KIF13B: variants seen among roughly 807,000 people sequenced by gnomAD.
KIF13B encodes the protein kinesin-like protein KIF13B.
In KIF13B, 127 loss-of-function variants were observed where a neutral mutation model predicts 222.0. The observed-to-expected ratio is 0.57, with a 90% CI of 0.50 to 0.66. KIF13B has a LOEUF of 0.66. KIF13B is among the 30% of genes least tolerant of loss of function. KIF13B has a pLI of 0.00. For missense variants in KIF13B, 2,173 were observed against 2,379.0 expected (o/e 0.91, Z 1.80); for synonymous variants, 976 against 919.0 (o/e 1.06, Z -1.12).
intron 36 of KIF13B, among the ~76,000 whole-genome samples, chr8:29,096,388 C>T (rs1249329401): frequency 6.7e-6 from 1 of 149,566 alleles, no homozygotes. Flanking sequence ...CAGCCTCAAC[C>T]TCCCAGGTTC....
At chr8:29,224,586 T>C (rs1480084388) in intron 2 of KIF13B, among the ~76,000 whole-genome samples, 1 of 152,172 alleles carries the variant, frequency 6.6e-6, no homozygotes, top group African/African-American at 2.4e-5. Flanking sequence ...TGTTAATAAT[T>C]GAAGGAATCG....
chr8:29,075,221 G>A (rs972021732), intron 38 of KIF13B, 60 bp downstream of exon 38: 13 of 1,394,142 alleles, frequency 9.3e-6, no homozygotes, highest in Admixed American at 5.9e-5. Flanking sequence ...CAACAGTTTC[G>A]GCATCAGGGC....
chr8:29,134,453 G>A (rs1810475053), intron 21 of KIF13B, among the ~76,000 whole-genome samples: 1 of 152,190 alleles, frequency 6.6e-6, no homozygotes, highest in African/African-American at 2.4e-5. Context: ...ACGTTGTAAA[G>A]TCTAAGAACA....
In KIF13B at chr8:29,071,715, G is replaced by A. The variant is rs375844229; in HGVS notation, c.5123C>T (p.Thr1708Ile). 6.8e-5 allele frequency: 105 copies of A among 1,550,448 alleles called. 1 individual carries two copies. The East Asian group carries it at 1.4e-3, about 21-fold the overall frequency. Residue 1708 changes from threonine (T) to isoleucine (I), a missense_variant, in exon 39 of 40, where the codon ACC (threonine) becomes ATC (isoleucine). Physicochemically the swap from Thr to Ile is moderately conservative, Grantham distance 89. Transcript: ENST00000524189. This position sits in a 1 kb window ranked among gnomAD's most constrained non-coding sequence, Gnocchi z 4.9. ...PEWLREGEFV[T>I]VGAHKTGVVR... ...CACGCCCGTTTTGTGGGCGCCCACGGTGACGAACTCGCCCTCTCGGAGCCA... is the reference window on the plus strand; with the variant it reads ...CACGCCCGTTTTGTGGGCGCCCACGATGACGAACTCGCCCTCTCGGAGCCA...
chr8:29,257,705 C>A (rs2117178912), intron 1 of KIF13B, among the ~76,000 whole-genome samples: 1 of 152,202 alleles, frequency 6.6e-6, no homozygotes, highest in Non-Finnish European at 1.5e-5. Flanking sequence ...CCACAGCAGG[C>A]TGCAGCAGGA....
chr8:29,074,159 G>A (rs1807447500), intron 38 of KIF13B, among the ~76,000 whole-genome samples: 1 of 152,196 alleles, frequency 6.6e-6, no homozygotes, highest in African/African-American at 2.4e-5. Context: ...CTCCCAGGAT[G>A]AGGCCAGCTG....
intron 22 of KIF13B, 58 bp downstream of exon 22, chr8:29,133,982 C>T: frequency 6.7e-7 from 1 of 1,491,736 alleles, no homozygotes; most frequent in Non-Finnish European, 9.1e-7. Context: ...GGTTCATTTT[C>T]TGTTTTGTTT....
chr8:29,145,546 G>A (rs1053737439), intron 18 of KIF13B, among the ~76,000 whole-genome samples: 10 of 152,052 alleles, frequency 6.6e-5, no homozygotes, highest in African/African-American at 2.4e-4. Context: ...CAGGAGAATC[G>A]CTTGAACCCA....
At chr8:29,084,050 G>A (rs1807930659) in intron 37 of KIF13B, among the ~76,000 whole-genome samples, 1 of 152,058 alleles carries the variant, frequency 6.6e-6, no homozygotes, top group African/African-American at 2.4e-5. Context: ...CAGTGGCTGG[G>A]ATTACAGGCG....
Position 29,237,051 on chromosome 8 carries a change from C to T in KIF13B, c.149+8295G>A, listed in dbSNP as rs529489614. On this transcript the variant is annotated intron_variant, in intron 2 of 39. Transcript: ENST00000524189. ...TGATACTTGGCACACTGTTGATGTT[C>T]GAATATTGAATGCATCAGAAAAAAT... Among the ~76,000 whole-genome samples the T allele has an allele frequency of 4.6e-5, 7 of 152,018 alleles. No homozygotes were observed. The South Asian group carries it at 8.3e-4, about 18-fold the overall frequency.
At chr8:29,078,104 G>A (rs1586745755) in intron 37 of KIF13B, among the ~76,000 whole-genome samples, 1 of 122,970 alleles carries the variant, frequency 8.1e-6, no homozygotes, top group African/African-American at 3.3e-5. Context: ...CCAACATGGT[G>A]AAACCGTGTC....
chr8:29,194,979 C>A (rs1371502151), intron 3 of KIF13B, among the ~76,000 whole-genome samples: 1 of 152,008 alleles, frequency 6.6e-6, no homozygotes, highest in Admixed American at 6.6e-5. Flanking sequence ...TGGGCACGGT[C>A]GCTCACGCCT....
chr8:29,071,730 T>G lies in KIF13B; in HGVS notation c.5108A>C (p.Glu1703Ala). The G allele has an allele frequency of 1.3e-6, 2 of 1,549,912 alleles. No individual in the cohort carries two copies. The highest frequency in any genetic ancestry group is 2.4e-5 in the South Asian group (2 of 84,056). The change falls in exon 39 of 40, where the codon GAG (glutamate) becomes GCG (alanine). Residue 1703 changes from glutamate to alanine, a missense_variant. Glu to Ala is a moderately radical substitution (Grantham distance 107). Transcript: ENST00000524189. This position sits in a 1 kb window ranked among gnomAD's most constrained non-coding sequence, Gnocchi z 4.9. ...GGCGCCCACGGTGACGAACTCGCCC[T>G]CTCGGAGCCACTCCGGGACCTCGTC... is the stretch of plus-strand genomic sequence containing the variant. ...EADEVPEWLREGEFVTVGAHK... is the reference protein window; with the variant it reads ...EADEVPEWLRAGEFVTVGAHK...
At chr8:29,167,234 T>C (rs112914602) in intron 11 of KIF13B, 139 bp downstream of exon 11, 102 of 632,008 alleles carry the variant, frequency 1.6e-4, no homozygotes, top group African/African-American at 1.6e-3. Flanking sequence ...TTATTACTCA[T>C]CCCAAAGTTC....
intron 2 of KIF13B, among the ~76,000 whole-genome samples, chr8:29,210,316 T>C (rs972939880): frequency 6.6e-5 from 10 of 152,122 alleles, no homozygotes; most frequent in African/African-American, 2.4e-4. Context: ...CAGACAGCCC[T>C]ACAGATCTAC....
chr8:29,237,033 T>C (rs1255032658), intron 2 of KIF13B, among the ~76,000 whole-genome samples: 1 of 152,200 alleles, frequency 6.6e-6, no homozygotes, highest in Non-Finnish European at 1.5e-5. Flanking sequence ...GCTTGATACT[T>C]GGCACACTGT....
In KIF13B at chr8:29,146,523, T is replaced by G. The variant is rs749799843; in HGVS notation, c.2042A>C (p.Asn681Thr). The G allele has an allele frequency of 2.4e-5, 38 of 1,613,560 alleles. No individual in the cohort carries two copies. The highest frequency in any genetic ancestry group is 3.2e-5 in the Non-Finnish European group (38 of 1,179,748). Reference protein sequence around the residue: ...WAEEREATLNNSLMRLREQIV... With the variant: ...WAEEREATLNTSLMRLREQIV... ...TTGTTCCCTCAGCCTCATCAGGCTG[T>G]TATTCAACGTTGCTTCTCTAAAAAA... Residue 681 changes from asparagine to threonine, a missense_variant, in exon 18 of 40, where the codon AAC (asparagine) becomes ACC (threonine). Asn to Thr is a moderately conservative substitution (Grantham distance 65, BLOSUM62 0). This residue lies in a region of KIF13B where 1,480 missense variants were observed against 1,722.8 expected (regional missense o/e 0.86). Coordinates refer to ENST00000524189, the MANE Select transcript of KIF13B (RefSeq NM_015254.4).
chr8:29,203,280 G>A (rs777039872), intron 2 of KIF13B, among the ~76,000 whole-genome samples: 24 of 152,118 alleles, frequency 1.6e-4, no homozygotes, highest in Non-Finnish European at 3.2e-4. Flanking sequence ...ACTGACCCAG[G>A]TACCAATCTT....
intron 13 of KIF13B, among the ~76,000 whole-genome samples, chr8:29,156,186 G>C (rs1400066918): frequency 6.6e-6 from 1 of 152,096 alleles, no homozygotes; most frequent in African/African-American, 2.4e-5. Context: ...GGCCAGGCTG[G>C]TCTCAAACTC....
Sources: gnomAD v4.1 joint callset for allele counts (sites outside exome capture counted in the v4.1 genomes callset) on GRCh38, gnomAD v4.1.1 for gene constraint, gnomAD v4.1.1 regional missense constraint, Gnocchi (gnomAD v3.1) non-coding constraint, MANE v1.5 for transcripts, NCBI Gene and HGNC (gene_info 2026-07-23, HGNC 2026-07-21) for gene names.